The following MAN2A1 variants were observed in gnomAD, a reference collection of about 807,000 sequenced individuals.
The protein encoded by MAN2A1 is mannosidase alpha class 2A member 1.
A neutral mutation model predicts 142.6 loss-of-function variants in MAN2A1; 76 were observed. That is an observed-to-expected ratio of 0.53 (90% confidence interval 0.44 to 0.65). The LOEUF is 0.65. Among genes scored for constraint, MAN2A1 ranks in the 30% least tolerant of loss-of-function variants. MAN2A1 has a pLI of 0.00. For synonymous variants in MAN2A1, 559 were observed against 473.2 expected (o/e 1.18, Z -2.35); for missense variants, 1,311 against 1,365.1 (o/e 0.96, Z 0.62).
At chr5:109,708,033 GA>G in intron 1 of MAN2A1, among the ~76,000 whole-genome samples, 1 of 146,136 alleles carries the variant, frequency 6.8e-6, no homozygotes, top group Middle Eastern at 3.4e-3. Context: ...TGGAGTGGAT[GA>G]GATCATGTAA....
intron 4 of MAN2A1, among the ~76,000 whole-genome samples, chr5:109,746,620 A>G (rs1164716490): frequency 1.3e-5 from 2 of 150,582 alleles, no homozygotes; most frequent in African/African-American, 2.4e-5. Flanking sequence ...ATTGTAAATA[A>G]GCATAACATA....
At chr5:109,834,067 C>T (rs535024759) in intron 16 of MAN2A1, among the ~76,000 whole-genome samples, 117 of 152,236 alleles carry the variant, frequency 7.7e-4, no homozygotes, top group African/African-American at 2.3e-3. Context: ...AAAGAAACAT[C>T]TGTCATGGAG....
At chr5:109,818,493 G>T (rs543356986) in intron 13 of MAN2A1, among the ~76,000 whole-genome samples, 1 of 152,232 alleles carries the variant, frequency 6.6e-6, no homozygotes, top group East Asian at 1.9e-4. Context: ...AACAGCAACA[G>T]CTCCTGGAAA....
chr5:109,813,016 T>A lies in MAN2A1; in HGVS notation c.1944-4257T>A, dbSNP rs187692968. Among the ~76,000 whole-genome samples, 495 of 152,328 alleles carry A rather than the reference T, an allele frequency of 3.2e-3. 2 individuals carry two copies. Among genetic ancestry groups the A allele is most frequent in the African/African-American group, 0.011 (452 of 41,572 alleles). The stretch of plus-strand genomic sequence containing the variant: ...GAACTTGAAAAAATATGTATTTTTT[T>A]AATCTTCATTACACAATCATAAAAA... On this transcript the variant is annotated intron_variant, in intron 12 of 21. Coordinates refer to ENST00000261483, the MANE Select transcript of MAN2A1 (RefSeq NM_002372.4).
At chr5:109,861,120 A>C (rs1347026901) in intron 20 of MAN2A1, among the ~76,000 whole-genome samples, 1 of 152,190 alleles carries the variant, frequency 6.6e-6, no homozygotes, top group African/African-American at 2.4e-5. Flanking sequence ...TGAGACTTAG[A>C]GCAAGTCACT....
At chr5:109,853,037 A>G (rs570134401) in intron 19 of MAN2A1, among the ~76,000 whole-genome samples, 4 of 152,336 alleles carry the variant, frequency 2.6e-5, no homozygotes, top group African/African-American at 9.6e-5. Flanking sequence ...TTATCTTTCT[A>G]AGGACAGTAA....
At chr5:109,808,860 TGCTG>T (rs1754243849) in intron 12 of MAN2A1, among the ~76,000 whole-genome samples, 1 of 151,914 alleles carries the variant, frequency 6.6e-6, no homozygotes, top group Admixed American at 6.6e-5. Flanking sequence ...CGCACCACCA[TGCTG>T]GCTAATTTTT....
At chr5:109,736,803 C>T (rs1250734274) in intron 4 of MAN2A1, among the ~76,000 whole-genome samples, 2 of 152,030 alleles carry the variant, frequency 1.3e-5, no homozygotes, top group Admixed American at 1.3e-4. Flanking sequence ...TTTCATCTTT[C>T]CTAATTCCTT....
chr5:109,693,406 CTA>C (rs1750727283), intron 1 of MAN2A1, among the ~76,000 whole-genome samples: 1 of 151,370 alleles, frequency 6.6e-6, no homozygotes, highest in Admixed American at 6.6e-5. Context: ...AGGTCGGTCA[CTA>C]TGTGTCATTT....
intron 20 of MAN2A1, among the ~76,000 whole-genome samples, chr5:109,861,443 T>C (rs1366936457): frequency 3.3e-5 from 5 of 152,224 alleles, no homozygotes; most frequent in Non-Finnish European, 7.3e-5. Flanking sequence ...TTAAAAGTAA[T>C]GGCAAAGCTA....
At position 109,690,554 on chromosome 5, in the gene MAN2A1, T is replaced by A; in HGVS notation, c.135+2T>A. The A allele has an allele frequency of 6.3e-7, 1 of 1,596,616 alleles. No individual in the cohort carries two copies. On this transcript the variant is annotated splice_donor_variant, in intron 1 of 21. Transcript: ENST00000261483. LOFTEE classifies it high-confidence loss of function. ...CGCCGCGAGGGCTCCTTCCCTCAGG[T>A]AAGCACCTGGGAAGGGGGCGCGGGG...
At chr5:109,830,407 T>C (rs12517006) in intron 16 of MAN2A1, among the ~76,000 whole-genome samples, 9,032 of 152,302 alleles carry the variant, frequency 0.059, 334 homozygotes, top group Middle Eastern at 0.11. Context: ...ATAAAATCTC[T>C]TGTGCCTGAC....
chr5:109,726,790 GA>G (rs1751757169), intron 3 of MAN2A1, among the ~76,000 whole-genome samples: 1 of 152,104 alleles, frequency 6.6e-6, no homozygotes, highest in African/African-American at 2.4e-5. Context: ...TTTTATGCTA[GA>G]TTACTGGAGT....
chr5:109,708,024 G>A (rs968140941), intron 1 of MAN2A1, among the ~76,000 whole-genome samples: 1 of 149,866 alleles, frequency 6.7e-6, no homozygotes, highest in Admixed American at 6.7e-5. Flanking sequence ...TTTAAATCAT[G>A]GAGTGGATGA....
In MAN2A1 at chr5:109,755,412, T is replaced by C; in HGVS notation, c.791T>C (p.Ile264Thr). ...GCTACTCCACATTATTTTGCCTTAA[T>C]TGATCAACTAATTGAAGGACATCAG... ...DEATPHYFAL[I>T]DQLIEGHQWL... is the part of the protein sequence containing the mutation. The change falls in exon 5 of 22, where the codon ATT becomes ACT. Residue 264 changes from isoleucine to threonine, a missense_variant. Physicochemically the swap from Ile to Thr is moderately conservative, Grantham distance 89. Transcript: ENST00000261483. 2.5e-6 allele frequency: 4 copies of C among 1,610,878 alleles called. No homozygotes were observed. The highest frequency in any genetic ancestry group is 1.7e-6 in the Non-Finnish European group (2 of 1,177,086).
chr5:109,816,762 A>T (rs1250326202), intron 12 of MAN2A1, among the ~76,000 whole-genome samples: 2 of 152,188 alleles, frequency 1.3e-5, no homozygotes, highest in African/African-American at 4.8e-5. Context: ...CCGTATTTAT[A>T]TAAGTCTTTT....
At chr5:109,698,969 A>C (rs535311816) in intron 1 of MAN2A1, among the ~76,000 whole-genome samples, 2 of 151,538 alleles carry the variant, frequency 1.3e-5, no homozygotes, top group South Asian at 2.1e-4. Flanking sequence ...CTCTGTTTTG[A>C]TTTTTGTTTC....
chr5:109,769,765 G>A (rs1753090671), intron 6 of MAN2A1, among the ~76,000 whole-genome samples: 1 of 152,056 alleles, frequency 6.6e-6, no homozygotes, highest in Admixed American at 6.5e-5. Flanking sequence ...CCCATTGACT[G>A]ACTCATTCTT....
chr5:109,752,775 C>T (rs1015659266), intron 4 of MAN2A1, among the ~76,000 whole-genome samples: 1 of 152,124 alleles, frequency 6.6e-6, no homozygotes, highest in African/African-American at 2.4e-5. Flanking sequence ...AATTAATAGA[C>T]AGAATAGTCT....
Sources: allele counts gnomAD v4.1 joint callset (sites outside exome capture counted in the v4.1 genomes callset), GRCh38; gene constraint gnomAD v4.1.1; transcripts MANE v1.5; gene names NCBI Gene and HGNC (gene_info 2026-07-23, HGNC 2026-07-21).